DOK7: variants seen among roughly 807,000 people sequenced by gnomAD.
DOK7 encodes docking protein 7.
A neutral mutation model predicts 30.7 loss-of-function variants in DOK7; 32 were observed. The ratio of observed to expected loss-of-function variants is 1.04; its 90% CI spans 0.79 to 1.40. The LOEUF is 1.40. DOK7 is among the 40% of genes most tolerant of loss of function. The pLI, the probability that DOK7 is intolerant of heterozygous loss-of-function variation, is 0.00. For synonymous variants in DOK7, 447 were observed against 324.1 expected, an observed-to-expected ratio of 1.38 and a Z score of -4.07; for missense variants, 1,007 against 699.2, an observed-to-expected ratio of 1.44 and a Z score of -4.97.
intron 2 of DOK7, among the ~76,000 whole-genome samples, chr4:3,465,405 G>A (rs1726210734): frequency 6.6e-6 from 1 of 152,208 alleles, no homozygotes; most frequent in Non-Finnish European, 1.5e-5. Context: ...GGCCCGGCGT[G>A]GAGGGAGCAG....
Position 3,485,634 on chromosome 4 carries a change from TTTGGGC to T in DOK7, c.630_635del (p.Phe210_Gly211del). On this transcript the variant is annotated inframe_deletion, in exon 5 of 7. Transcript: ENST00000340083. The stretch of plus-strand genomic sequence containing the variant: ...AGGCATCTCCCCCACCAAGGGCCCC[TTTGGGC>T]TGCGGCCGGTTCTACCAGGTGCGTG... The T allele has an allele frequency of 6.2e-7, 1 of 1,602,466 alleles. No individual in the cohort carries two copies.
intron 3 of DOK7, among the ~76,000 whole-genome samples, chr4:3,475,296 C>A (rs77063161): frequency 1.3e-5 from 2 of 152,302 alleles, no homozygotes; most frequent in African/African-American, 4.8e-5. Flanking sequence ...CGCTGGGCAC[C>A]GCCCAGGCAG....
chr4:3,473,714 A>G, intron 3 of DOK7, 78 bp downstream of exon 3: 1 of 1,352,934 alleles, frequency 7.4e-7, no homozygotes, highest in Non-Finnish European at 1.0e-6. Flanking sequence ...TGGGCTGCAG[A>G]GGTGGGAGCG....
At chr4:3,484,494 AGGTGACGCCAGCCGGAGTGTCCAGCCG>A in intron 4 of DOK7, 1 of 985,430 alleles carries the variant, frequency 1.0e-6, no homozygotes, top group Non-Finnish European at 1.2e-6. Flanking sequence ...GATTCCTGTG[AGGTGACGCCAGCCGGAGTGTCCAGCCG>A]GGTGCAGCCA....
intron 4 of DOK7, among the ~76,000 whole-genome samples, chr4:3,479,829 C>T (rs766734423): frequency 4.6e-5 from 7 of 152,186 alleles, no homozygotes; most frequent in Non-Finnish European, 7.3e-5. Flanking sequence ...CAGCAACCCC[C>T]GGGTCCCCAG....
intron 6 of DOK7, among the ~76,000 whole-genome samples, chr4:3,490,605 T>TCCCTGCTCATTCCTTCCTCTGCTCCC (rs150441955): frequency 1.6e-4 from 13 of 80,754 alleles, no homozygotes; most frequent in Admixed American, 1.0e-3. Context: ...ATTTCTTCTC[T>TCCCTGCTCATTCCTTCCTCTGCTCCC]CCCTGCTCGT....
At chr4:3,474,921 AAC>A (rs1231401033) in intron 3 of DOK7, among the ~76,000 whole-genome samples, 2 of 152,172 alleles carry the variant, frequency 1.3e-5, no homozygotes, top group Admixed American at 6.5e-5. Flanking sequence ...CAAAAAAACA[AAC>A]ACAAAAAAAC....
rs193061998 is a variant in DOK7, at chr4:3,465,640, C to T, written c.100+2089C>T. Among the ~76,000 whole-genome samples, 36 of 152,348 alleles carry T rather than the reference C, an allele frequency of 2.4e-4. 1 individual carries two copies. The highest frequency in any genetic ancestry group is 2.2e-3 in the Admixed American group (33 of 15,312). ...GTCTTTCTGTTATGACAAGGTTTAGCGAATGAAAGGGAAACCCTTTTATCA... is the reference window on the plus strand; with the variant it reads ...GTCTTTCTGTTATGACAAGGTTTAGTGAATGAAAGGGAAACCCTTTTATCA... On this transcript the variant is annotated intron_variant, in intron 2 of 6. Coordinates refer to ENST00000340083, the MANE Select transcript of DOK7 (RefSeq NM_173660.5).
At chr4:3,490,682 T>C (rs1728295105) in intron 6 of DOK7, among the ~76,000 whole-genome samples, 1 of 42,102 alleles carries the variant, frequency 2.4e-5, no homozygotes, top group African/African-American at 6.2e-5. Context: ...CTTCCCCGCA[T>C]TCCTTCCTTC....
At chr4:3,498,737 C>T (rs1011023870), downstream of DOK7, among the ~76,000 whole-genome samples, 5 of 152,232 alleles carry the variant, frequency 3.3e-5, no homozygotes, top group Non-Finnish European at 5.9e-5. Flanking sequence ...AGAACTTGGC[C>T]GCTATGTTCT....
At chr4:3,471,143 C>T (rs1312747909) in intron 2 of DOK7, among the ~76,000 whole-genome samples, 1 of 152,226 alleles carries the variant, frequency 6.6e-6, no homozygotes, top group African/African-American at 2.4e-5. Context: ...AGCCAGATTG[C>T]AGGGAAGACG....
At chr4:3,478,785 C>T (rs2109350086) in intron 4 of DOK7, among the ~76,000 whole-genome samples, 1 of 152,318 alleles carries the variant, frequency 6.6e-6, no homozygotes, top group East Asian at 1.9e-4. Flanking sequence ...CCAGCAGGCC[C>T]TGCTGGGCTG....
intron 2 of DOK7, among the ~76,000 whole-genome samples, chr4:3,469,457 C>T (rs890225367): frequency 6.6e-6 from 1 of 151,966 alleles, no homozygotes; most frequent in African/African-American, 2.4e-5. Flanking sequence ...CCTCAGCCGC[C>T]AGGCAAGAGA....
At position 3,476,310 on chromosome 4, in the gene DOK7, C is replaced by T. The variant is rs1462846524; in HGVS notation, c.332-32C>T. 19 of 1,576,208 alleles carry T rather than the reference C, an allele frequency of 1.2e-5. 6 individuals carry two copies. The highest frequency in any genetic ancestry group is 2.8e-5 in the African/African-American group (2 of 70,300). On this transcript the variant is annotated intron_variant, in intron 3 of 6. Coordinates refer to ENST00000340083, the MANE Select transcript of DOK7 (RefSeq NM_173660.5). ...CGTGATGTCCTCTCACCCTGCCCGCCCGTGATGCCCTCTTGCCCCGCCTGC... is the reference window on the plus strand; with the variant it reads ...CGTGATGTCCTCTCACCCTGCCCGCTCGTGATGCCCTCTTGCCCCGCCTGC...
intron 5 of DOK7, among the ~76,000 whole-genome samples, chr4:3,488,168 C>G (rs1727939855): frequency 6.6e-6 from 1 of 152,228 alleles, no homozygotes; most frequent in African/African-American, 2.4e-5. Context: ...ACAGACAGGG[C>G]CACAGGGTCT....
chr4:3,490,459 ATTCC>A (rs1728242979), intron 6 of DOK7, among the ~76,000 whole-genome samples: 1 of 87,544 alleles, frequency 1.1e-5, no homozygotes, highest in African/African-American at 4.4e-5. Flanking sequence ...CTGCTCATTC[ATTCC>A]TTTCTTCTCC....
chr4:3,469,577 G>C (rs1726633648), intron 2 of DOK7, among the ~76,000 whole-genome samples: 1 of 152,130 alleles, frequency 6.6e-6, no homozygotes, highest in Non-Finnish European at 1.5e-5. Flanking sequence ...GGCCCTCTGG[G>C]CCTGGCGCCC....
At chr4:3,474,783 T>C (rs1726967218) in intron 3 of DOK7, among the ~76,000 whole-genome samples, 2 of 151,656 alleles carry the variant, frequency 1.3e-5, no homozygotes, top group Non-Finnish European at 1.5e-5. Context: ...GATCGCGCCA[T>C]TGCACTCCAG....
downstream of DOK7, chr4:3,496,904 A>AGGC: frequency 7.9e-7 from 1 of 1,265,906 alleles, no homozygotes; most frequent in Non-Finnish European, 1.0e-6. Flanking sequence ...GGGGACAGGA[A>AGGC]GGCGGGAGTC....
Sources: allele counts gnomAD v4.1 joint callset (sites outside exome capture counted in the v4.1 genomes callset), GRCh38; gene constraint gnomAD v4.1.1; transcripts MANE v1.5; gene names NCBI Gene and HGNC (gene_info 2026-07-23, HGNC 2026-07-21).